Variants in PAPOLG observed in about 807,000 individuals in gnomAD.
PAPOLG encodes PAP-gamma.
PAPOLG carries 40 observed loss-of-function variants against 99.0 expected under a neutral mutation model. The observed-to-expected ratio is 0.40, with a 90% CI of 0.31 to 0.53. PAPOLG has a LOEUF of 0.53. Ranked by LOEUF, PAPOLG falls within the 20% of genes least tolerant of loss-of-function variation. The pLI, the probability that PAPOLG is intolerant of heterozygous loss-of-function variation, is 0.41. For missense variants in PAPOLG, 675 were observed against 884.1 expected (o/e 0.76, Z 3.00); for synonymous variants, 310 against 299.3 (o/e 1.04, Z -0.37).
chr2:60,770,658 CTA>C (rs1558686826), intron 6 of PAPOLG, 147 bp downstream of exon 6: 1 of 540,890 alleles, frequency 1.8e-6, no homozygotes, highest in Non-Finnish European at 3.2e-6. Context: ...GGGTCTAACT[CTA>C]TGGCCAAGGC....
rs377435586 is a variant in PAPOLG at position 60,770,517 on chromosome 2, T to C, written c.492+6T>C. 9 of 1,541,036 alleles carry C rather than the reference T, an allele frequency of 5.8e-6. No individual in the cohort carries two copies. The highest frequency in any genetic ancestry group is 1.4e-5 in the African/African-American group (1 of 73,008). ...TTGAATTTGATGGTATTGAAGTAAG[T>C]GTTTAATATTTTTCTGACTTTACAA... On this transcript the variant is annotated splice_donor_region_variant and intron_variant, in intron 6 of 21. Transcript: ENST00000238714.
intron 13 of PAPOLG, 69 bp from the exon 14 acceptor site, chr2:60,786,878 G>T: frequency 1.3e-6 from 2 of 1,539,226 alleles, no homozygotes; most frequent in South Asian, 1.2e-5. Context: ...TATGCTGTTT[G>T]GTTTACTTGA....
intron 8 of PAPOLG, among the ~76,000 whole-genome samples, chr2:60,778,791 A>G (rs553144019): frequency 6.6e-6 from 1 of 152,294 alleles, no homozygotes; most frequent in East Asian, 1.9e-4. Flanking sequence ...AACATGAACA[A>G]TTTGCCCTTC....
At position 60,783,121 on chromosome 2, in the gene PAPOLG, G is replaced by C. The variant is rs779236386; in HGVS notation, c.1113-35G>C. ...AAAGCAGGCTGTAACAATTTTTCTG[G>C]CTTTTTTTCCTGATTGTTGCTGAAA... is the stretch of plus-strand genomic sequence containing the variant. On this transcript the variant is annotated intron_variant, in intron 12 of 21. Coordinates refer to ENST00000238714, the MANE Select transcript of PAPOLG (RefSeq NM_022894.4). 3.3e-6 allele frequency: 5 copies of C among 1,521,956 alleles called. No homozygotes were observed. In the African/African-American group the frequency reaches 7.1e-5, roughly 22 times the overall value. 94.3% of individuals were successfully genotyped at this position (1,521,956 alleles called of 1,614,324 possible).
chr2:60,782,413 C>T (rs1199515846), intron 11 of PAPOLG, among the ~76,000 whole-genome samples: 1 of 151,840 alleles, frequency 6.6e-6, no homozygotes, highest in Non-Finnish European at 1.5e-5. Flanking sequence ...AAAAATTAGC[C>T]GGAAGTGGTG....
At position 60,799,231 on chromosome 2, in the gene PAPOLG, C is replaced by A. The variant is rs1036257512; in HGVS notation, c.*2071C>A. 2 of 152,308 alleles carry A rather than the reference C, an allele frequency of 1.3e-5. No homozygotes were observed. Among genetic ancestry groups the A allele is most frequent in the East Asian group, 3.7e-4 (2 of 5,338 alleles). 9.4% of individuals were successfully genotyped at this position (152,308 alleles called of 1,614,324 possible). On this transcript the variant is annotated 3_prime_UTR_variant, in exon 22 of 22. Coordinates refer to ENST00000238714, the MANE Select transcript of PAPOLG (RefSeq NM_022894.4). ...GGAATTCCTTCTGTATCCATGTTTA[C>A]CCCATTATGTAAATAGATCTTTGGA...
chr2:60,778,302 A>G (rs1314792813), intron 8 of PAPOLG, among the ~76,000 whole-genome samples: 2 of 150,568 alleles, frequency 1.3e-5, no homozygotes, highest in Non-Finnish European at 3.0e-5. Context: ...ATATGCCACT[A>G]CACCCGGCTA....
At chr2:60,758,328 G>GTTTTTT (rs61243299) in intron 1 of PAPOLG, among the ~76,000 whole-genome samples, 9 of 71,344 alleles carry the variant, frequency 1.3e-4, no homozygotes, top group African/African-American at 5.1e-4. Context: ...GGTTTCTGGG[G>GTTTTTT]TTTTTTTTTT....
rs1671166889 is a variant in PAPOLG at position 60,780,851 on chromosome 2, TAA to T, written c.906+74_906+75del. The T allele has an allele frequency of 3.5e-6, 4 of 1,158,834 alleles. No individual in the cohort carries two copies. In the Admixed American group the frequency reaches 6.9e-5, roughly 20 times the overall value. The allele number at this position is 1,158,834 out of a possible 1,614,324, so 71.8% of individuals were successfully genotyped here. On this transcript the variant is annotated intron_variant, in intron 10 of 21. Coordinates refer to ENST00000238714, the MANE Select transcript of PAPOLG (RefSeq NM_022894.4). ...ACATTTCACTAAATTACAGTCTAGT[TAA>T]AGATAGTTCCTCTTGTCTCTGTTCT...
chr2:60,777,635 C>G lies in PAPOLG; in HGVS notation c.695-2002C>G, dbSNP rs796577348. ...CGGACTATCATAACTTTCAACATGC[C>G]TTTTTCACTGAGCTTAATCTTTTCT... On this transcript the variant is annotated intron_variant, in intron 8 of 21. Coordinates refer to ENST00000238714, the MANE Select transcript of PAPOLG (RefSeq NM_022894.4). Among the ~76,000 whole-genome samples, 8 of 152,214 alleles carry G rather than the reference C, an allele frequency of 5.3e-5. 2 individuals are homozygous for G. The highest frequency in any genetic ancestry group is 1.7e-4 in the African/African-American group (7 of 41,534).
chr2:60,793,746 TTA>T (rs1491581064), intron 18 of PAPOLG, 31 bp downstream of exon 18: 4 of 1,576,956 alleles, frequency 2.5e-6, no homozygotes, highest in Non-Finnish European at 3.4e-6. Context: ...ATATTAATAA[TTA>T]TATTTACAAA....
chr2:60,770,367 A>G, intron 5 of PAPOLG, 91 bp from the exon 6 acceptor site: 1 of 1,086,430 alleles, frequency 9.2e-7, no homozygotes, highest in Admixed American at 3.4e-5. Flanking sequence ...TAAAATACAA[A>G]TCGGGAGTAA....
At chr2:60,766,705 AC>A (rs1232726250) in intron 3 of PAPOLG, among the ~76,000 whole-genome samples, 2 of 150,588 alleles carry the variant, frequency 1.3e-5, no homozygotes, top group Admixed American at 6.7e-5. Context: ...ACCCAAAAAA[AC>A]AAAAGATGCC....
rs1573209865 is a variant in PAPOLG at position 60,756,295 on chromosome 2, T to G, written c.-184T>G. The G allele has an allele frequency of 1.4e-6, 1 of 725,500 alleles. No individual in the cohort carries two copies. The allele number at this position is 725,500 out of a possible 1,614,324, so 44.9% of individuals were successfully genotyped here. A position where few individuals can be genotyped will look rare whatever the true frequency, so the allele number is the denominator to read the frequency against. Reference sequence around the variant, plus strand: ...TGGCGTCGGCCGCGCTGTATTGTCATAAATAGAGCCGGTTTTGTGGTGTTT... The same window carrying G: ...TGGCGTCGGCCGCGCTGTATTGTCAGAAATAGAGCCGGTTTTGTGGTGTTT... On this transcript the variant is annotated 5_prime_UTR_variant, in exon 1 of 22. Coordinates refer to ENST00000238714, the MANE Select transcript of PAPOLG (RefSeq NM_022894.4).
chr2:60,775,104 T>C lies in PAPOLG; in HGVS notation c.675T>C (p.Ala225=). The stretch of plus-strand genomic sequence containing the variant: ...AAACTTTTAGACTCACCCTAAGAGC[T>C]GTCAAATTATGGGCAAAACGTAAGT... ...NKETFRLTLR[A]VKLWAKRRGI... Residue 225 remains alanine, a synonymous_variant, in exon 8 of 22, where the codon GCT becomes GCC. Transcript: ENST00000238714. 1.9e-6 allele frequency: 3 copies of C among 1,610,404 alleles called. No individual in the cohort carries two copies. Among genetic ancestry groups the C allele is most frequent in the Non-Finnish European group, 2.5e-6 (3 of 1,179,134 alleles).
intron 7 of PAPOLG, among the ~76,000 whole-genome samples, chr2:60,773,307 T>A (rs1278135127): frequency 1.3e-5 from 2 of 152,188 alleles, no homozygotes; most frequent in Non-Finnish European, 2.9e-5. Context: ...TTTGCAGTCA[T>A]TTCCCCTTCC....
At chr2:60,797,013 A>G (rs1263034021) in intron 21 of PAPOLG, 49 bp from the exon 22 acceptor site, 10 of 1,605,674 alleles carry the variant, frequency 6.2e-6, no homozygotes, top group African/African-American at 1.3e-5. Flanking sequence ...GGCCTTTATA[A>G]TATATATGAT....
rs1670975134 is a variant in PAPOLG, at chr2:60,775,015, A to G, written c.605-19A>G. 1.2e-6 allele frequency: 2 copies of G among 1,611,834 alleles called. No individual in the cohort carries two copies. The highest frequency in any genetic ancestry group is 4.5e-5 in the East Asian group (2 of 44,768). ...AGAATTTGCTGCATAGTGAAAAATG[A>G]ATGCTTTGTCTTTTTCAGGTTGTAG... On this transcript the variant is annotated intron_variant, in intron 7 of 21. Transcript: ENST00000238714.
At chr2:60,766,640 CA>C (rs1466176487) in intron 3 of PAPOLG, among the ~76,000 whole-genome samples, 2 of 150,748 alleles carry the variant, frequency 1.3e-5, no homozygotes, top group African/African-American at 4.9e-5. Flanking sequence ...GTGCTCACTT[CA>C]GCCTGGGCAA....
Sources: allele counts gnomAD v4.1 joint callset (sites outside exome capture counted in the v4.1 genomes callset), GRCh38; gene constraint gnomAD v4.1.1; transcripts MANE v1.5; gene names NCBI Gene and HGNC (gene_info 2026-07-23, HGNC 2026-07-21).